Variants in ZCCHC7 observed in about 807,000 individuals in gnomAD.
ZCCHC7 encodes the protein zinc finger CCHC domain-containing protein 7.
ZCCHC7 carries 35 observed loss-of-function variants against 52.0 expected under a neutral mutation model. The ratio of observed to expected loss-of-function variants is 0.67; its 90% confidence interval spans 0.51 to 0.89. The LOEUF is 0.89. Ranked by LOEUF, ZCCHC7 falls within the 40% of genes least tolerant of loss-of-function variation. The probability of loss-of-function intolerance (pLI) is 0.00; values close to 1 mark genes in which losing one functional copy is unlikely to be tolerated. For synonymous variants in ZCCHC7, 217 were observed against 221.5 expected, an observed-to-expected ratio of 0.98 and a Z score of 0.18; for missense variants, 574 against 649.1, an observed-to-expected ratio of 0.88 and a Z score of 1.26.
chr9:37,221,912 C>T (rs1346639936), intron 2 of ZCCHC7, among the ~76,000 whole-genome samples: 1 of 151,678 alleles, frequency 6.6e-6, no homozygotes, highest in African/African-American at 2.4e-5. Context: ...CTGTGTAAGG[C>T]ATTGTGCTAG....
In ZCCHC7 at chr9:37,357,056, C is replaced by T. The variant is rs1367394385; in HGVS notation, c.1420C>T (p.Pro474Ser). Residue 474 changes from proline (P) to serine (S), a missense_variant, in exon 9 of 9, where the codon CCC becomes TCC. Transcript: ENST00000336755. ...DRHREVDEDF[P>S]RGPKTYSSPG... ...ACATCGTGAAGTGGATGAGGATTTT[C>T]CCAGGGGCCCCAAAACCTACTCTTC... The T allele has an allele frequency of 6.2e-7, 1 of 1,613,752 alleles. No individual in the cohort carries two copies. Among genetic ancestry groups the T allele is most frequent in the Non-Finnish European group, 8.5e-7 (1 of 1,179,932 alleles).
intron 2 of ZCCHC7, among the ~76,000 whole-genome samples, chr9:37,191,719 A>C (rs959231362): frequency 2.0e-5 from 3 of 152,264 alleles, no homozygotes; most frequent in African/African-American, 7.2e-5. Context: ...TAATGAACGC[A>C]AACATGAATC....
intron 2 of ZCCHC7, among the ~76,000 whole-genome samples, chr9:37,198,544 T>G (rs2133143163): frequency 6.6e-6 from 1 of 152,310 alleles, no homozygotes; most frequent in Admixed American, 6.5e-5. Context: ...TCTGTCTATT[T>G]TAGTCTTCCT....
At chr9:37,316,978 T>C (rs1829852359) in intron 5 of ZCCHC7, among the ~76,000 whole-genome samples, 1 of 151,980 alleles carries the variant, frequency 6.6e-6, no homozygotes, top group African/African-American at 2.4e-5. Context: ...ATGAAATGAA[T>C]TGTTTGTAGA....
intron 2 of ZCCHC7, among the ~76,000 whole-genome samples, chr9:37,192,704 G>A (rs1823080413): frequency 6.6e-6 from 1 of 152,100 alleles, no homozygotes; most frequent in African/African-American, 2.4e-5. Flanking sequence ...ACATCTACTG[G>A]AATCTGTACG....
Position 37,125,358 on chromosome 9 carries a change from G to A in ZCCHC7, c.-21-954G>A, listed in dbSNP as rs757947239. On this transcript the variant is annotated intron_variant, in intron 1 of 8. Transcript: ENST00000336755. ...ATTTTTATGGAGATGGGGTCTTACT[G>A]TGTTGCCCAGGCTGTTCTCAAACTT... 6.3e-4 allele frequency among the ~76,000 whole-genome samples: 96 copies of A among 151,748 alleles called. 2 individuals are homozygous for A. Among genetic ancestry groups the A allele is most frequent in the Non-Finnish European group, 1.0e-4 (7 of 67,964 alleles).
At chr9:37,243,195 C>T (rs915828262) in intron 2 of ZCCHC7, among the ~76,000 whole-genome samples, 3 of 151,676 alleles carry the variant, frequency 2.0e-5, no homozygotes, top group Admixed American at 6.6e-5. Flanking sequence ...TTAAAGGAAT[C>T]GATGGATAAG....
At chr9:37,272,508 A>G (rs561732896) in intron 2 of ZCCHC7, among the ~76,000 whole-genome samples, 54 of 150,922 alleles carry the variant, frequency 3.6e-4, no homozygotes, top group African/African-American at 1.2e-3. Context: ...AAAAAAAAAA[A>G]AAAAAAGAAA....
At position 37,331,300 on chromosome 9, in the gene ZCCHC7, T is replaced by C. The variant is rs572920911; in HGVS notation, c.987+3466T>C. On this transcript the variant is annotated intron_variant, in intron 6 of 8. Coordinates refer to ENST00000336755, the MANE Select transcript of ZCCHC7 (RefSeq NM_032226.3). ...CTAAGAAAGGCTTATGGCCACAGTT[T>C]GTCAGGGTATATCTTATAAACCATA... 1.4e-4 allele frequency among the ~76,000 whole-genome samples: 21 copies of C among 151,768 alleles called. No homozygotes were observed. In the South Asian group the frequency reaches 4.4e-3, roughly 32 times the overall value.
chr9:37,140,280 A>G (rs1213198122), intron 2 of ZCCHC7, among the ~76,000 whole-genome samples: 1 of 151,896 alleles, frequency 6.6e-6, no homozygotes, highest in South Asian at 2.1e-4. Flanking sequence ...CGTTGTTCTG[A>G]TAAGAACTTG....
intron 2 of ZCCHC7, among the ~76,000 whole-genome samples, chr9:37,237,546 C>A (rs1405036545): frequency 6.6e-6 from 1 of 152,162 alleles, no homozygotes; most frequent in East Asian, 1.9e-4. Context: ...CTTAACCGTA[C>A]TGTAAACCTC....
intron 2 of ZCCHC7, among the ~76,000 whole-genome samples, chr9:37,202,330 G>A (rs964790567): frequency 2.0e-5 from 3 of 152,158 alleles, no homozygotes; most frequent in African/African-American, 4.8e-5. Flanking sequence ...GGAACCTGAG[G>A]TAAAATGATT....
chr9:37,140,813 C>CA (rs1283133043), intron 2 of ZCCHC7, among the ~76,000 whole-genome samples: 1 of 151,986 alleles, frequency 6.6e-6, no homozygotes, highest in Non-Finnish European at 1.5e-5. Flanking sequence ...GTTAGGTTAA[C>CA]ATCAGCAGTG....
intron 5 of ZCCHC7, among the ~76,000 whole-genome samples, chr9:37,306,761 C>T (rs559490982): frequency 1.2e-5 from 1 of 85,838 alleles, no homozygotes; most frequent in Admixed American, 1.4e-4. Context: ...CTGTACCCGA[C>T]CTTTTTTTTT....
Position 37,122,604 on chromosome 9 carries a change from T to C in ZCCHC7, c.-22+1981T>C, listed in dbSNP as rs751974845. 1.4e-4 allele frequency among the ~76,000 whole-genome samples: 22 copies of C among 152,278 alleles called. No homozygotes were observed. In the East Asian group the frequency reaches 3.9e-3, roughly 27 times the overall value. On this transcript the variant is annotated intron_variant, in intron 1 of 8. Transcript: ENST00000336755. ...ATGCAAATATTGCAATGAAGGAAGGTTTTTCTTCAAAAAATCTTAATTTGA... is the reference window on the plus strand; with the variant it reads ...ATGCAAATATTGCAATGAAGGAAGGCTTTTCTTCAAAAAATCTTAATTTGA...
chr9:37,296,549 C>T (rs1319306962), intron 2 of ZCCHC7, among the ~76,000 whole-genome samples: 1 of 151,350 alleles, frequency 6.6e-6, no homozygotes, highest in Non-Finnish European at 1.5e-5. Flanking sequence ...AGTTTTGGTT[C>T]CTTAAGGATT....
chr9:37,239,505 G>T (rs527917714), intron 2 of ZCCHC7, among the ~76,000 whole-genome samples: 1 of 152,202 alleles, frequency 6.6e-6, no homozygotes, highest in African/African-American at 2.4e-5. Flanking sequence ...GCTAGTAAAA[G>T]AACTGAACAA....
At chr9:37,266,768 G>C (rs916115208) in intron 2 of ZCCHC7, among the ~76,000 whole-genome samples, 1 of 152,052 alleles carries the variant, frequency 6.6e-6, no homozygotes, top group East Asian at 1.9e-4. Flanking sequence ...TAGCTACTTG[G>C]GGGGCTAAGG....
At chr9:37,239,586 A>G (rs1341558430) in intron 2 of ZCCHC7, among the ~76,000 whole-genome samples, 5 of 152,172 alleles carry the variant, frequency 3.3e-5, no homozygotes, top group Admixed American at 6.6e-5. Flanking sequence ...AGCTCGGTCT[A>G]TGAAAACCAG....
Sources: allele counts gnomAD v4.1 joint callset (sites outside exome capture counted in the v4.1 genomes callset), GRCh38; gene constraint gnomAD v4.1.1; transcripts MANE v1.5; gene names NCBI Gene and HGNC (gene_info 2026-07-23, HGNC 2026-07-21).